The following OXR1 variants were observed in gnomAD, a reference collection of about 807,000 sequenced individuals.
The protein encoded by OXR1 is oxidation resistance 1.
Under a neutral mutation model 104.6 loss-of-function variants are expected in OXR1, and 41 were observed. The ratio of observed to expected loss-of-function variants is 0.39; its 90% confidence interval spans 0.31 to 0.51. The LOEUF (loss-of-function observed/expected upper bound fraction) is 0.51. Among genes scored for constraint, OXR1 ranks in the 20% least tolerant of loss-of-function variants. OXR1 has a pLI of 0.77. For synonymous variants in OXR1, 348 were observed against 348.4 expected (o/e 1.00, Z 0.01); for missense variants, 955 against 1,031.9 (o/e 0.93, Z 1.02).
chr8:106,422,968 C>G (rs924123250), intron 2 of OXR1, among the ~76,000 whole-genome samples: 2 of 152,088 alleles, frequency 1.3e-5, no homozygotes, highest in East Asian at 3.9e-4. Context: ...GAGAGACAAT[C>G]CCCTGGCTGG....
At chr8:106,353,338 T>G (rs1168164040) in intron 1 of OXR1, among the ~76,000 whole-genome samples, 1 of 151,454 alleles carries the variant, frequency 6.6e-6, no homozygotes, top group Non-Finnish European at 1.5e-5. Context: ...GACTCCAGCC[T>G]GGGTGACGGA....
At chr8:106,513,876 T>A (rs1465690961) in intron 2 of OXR1, among the ~76,000 whole-genome samples, 1 of 152,014 alleles carries the variant, frequency 6.6e-6, no homozygotes, top group Non-Finnish European at 1.5e-5. Context: ...GGAGAGTGAG[T>A]CTCAGAAAAG....
chr8:106,510,536 A>G (rs931366083), intron 2 of OXR1, among the ~76,000 whole-genome samples: 40 of 152,226 alleles, frequency 2.6e-4, no homozygotes, highest in African/African-American at 9.6e-4. Context: ...TTAAACTCTG[A>G]AGAGGCAGAA....
chr8:106,606,131 G>C (rs1409156786), intron 3 of OXR1, among the ~76,000 whole-genome samples: 1 of 152,044 alleles, frequency 6.6e-6, no homozygotes, highest in Non-Finnish European at 1.5e-5. Flanking sequence ...GTGTCAGTAG[G>C]TCTGTGCTCC....
intron 2 of OXR1, among the ~76,000 whole-genome samples, chr8:106,517,169 T>A (rs2130090651): frequency 6.6e-6 from 1 of 152,264 alleles, no homozygotes; most frequent in South Asian, 2.1e-4. Context: ...ATTACCAGAA[T>A]CCCATAAACC....
intron 2 of OXR1, among the ~76,000 whole-genome samples, chr8:106,492,572 T>C (rs1451188962): frequency 6.6e-6 from 1 of 152,166 alleles, no homozygotes; most frequent in African/African-American, 2.4e-5. Flanking sequence ...TGCACAATGA[T>C]GTGTGTAAAA....
intron 2 of OXR1, among the ~76,000 whole-genome samples, chr8:106,397,646 C>A (rs1817834361): frequency 6.6e-6 from 1 of 151,118 alleles, no homozygotes; most frequent in South Asian, 2.1e-4. Context: ...TTTTTTCTGC[C>A]CTTGAAAAAA....
intron 2 of OXR1, among the ~76,000 whole-genome samples, chr8:106,459,239 G>T (rs937460612): frequency 6.6e-6 from 1 of 152,054 alleles, no homozygotes; most frequent in Non-Finnish European, 1.5e-5. Context: ...AATTAATGCT[G>T]TTATTGGGGA....
intron 1 of OXR1, among the ~76,000 whole-genome samples, chr8:106,340,323 A>T (rs1292195730): frequency 1.3e-5 from 2 of 152,176 alleles, no homozygotes; most frequent in Non-Finnish European, 2.9e-5. Flanking sequence ...GTCCATTAAA[A>T]AAGCAAAGGT....
intron 1 of OXR1, among the ~76,000 whole-genome samples, chr8:106,282,347 C>T (rs1037582420): frequency 6.6e-6 from 1 of 152,128 alleles, no homozygotes; most frequent in African/African-American, 2.4e-5. Context: ...TTTTGAAAAA[C>T]CATTTATGCT....
At chr8:106,672,077 A>C (rs1827060492) in intron 3 of OXR1, among the ~76,000 whole-genome samples, 1 of 151,182 alleles carries the variant, frequency 6.6e-6, no homozygotes, top group South Asian at 2.1e-4. Flanking sequence ...GTTTAAAAAA[A>C]TGTGTAACTT....
At chr8:106,502,592 T>C (rs1811884015) in intron 2 of OXR1, among the ~76,000 whole-genome samples, 1 of 152,198 alleles carries the variant, frequency 6.6e-6, no homozygotes, top group African/African-American at 2.4e-5. Context: ...TGTCTGCTCT[T>C]TATTCTGAGA....
At chr8:106,561,612 C>T (rs111942275) in intron 3 of OXR1, among the ~76,000 whole-genome samples, 1 of 152,192 alleles carries the variant, frequency 6.6e-6, no homozygotes, top group Non-Finnish European at 1.5e-5. Flanking sequence ...CCCAGCAGAG[C>T]GATCGAGCTC....
chr8:106,349,913 TAAGTC>T (rs1815653471), intron 1 of OXR1, among the ~76,000 whole-genome samples: 1 of 152,278 alleles, frequency 6.6e-6, no homozygotes, highest in South Asian at 2.1e-4. Flanking sequence ...AATCAGTAGT[TAAGTC>T]AATACACCAG....
chr8:106,293,731 C>A (rs954999750), intron 1 of OXR1, among the ~76,000 whole-genome samples: 3 of 152,144 alleles, frequency 2.0e-5, no homozygotes, highest in Non-Finnish European at 4.4e-5. Flanking sequence ...AAGAGAGGGA[C>A]AAACTCTTTG....
intron 3 of OXR1, among the ~76,000 whole-genome samples, chr8:106,665,085 G>C (rs916521922): frequency 6.6e-6 from 1 of 152,162 alleles, no homozygotes; most frequent in African/African-American, 2.4e-5. Flanking sequence ...AAAGACAAGA[G>C]AATTATTTAC....
At chr8:106,651,911 T>G (rs1176153799) in intron 3 of OXR1, among the ~76,000 whole-genome samples, 1 of 152,182 alleles carries the variant, frequency 6.6e-6, no homozygotes, top group Non-Finnish European at 1.5e-5. Flanking sequence ...TTTCCATTTA[T>G]TTAGATTTTC....
intron 2 of OXR1, among the ~76,000 whole-genome samples, chr8:106,402,030 G>C (rs528867978): frequency 2.6e-4 from 40 of 152,278 alleles, no homozygotes; most frequent in African/African-American, 9.6e-4. Flanking sequence ...TATTGACAGG[G>C]ATGGAGAAAA....
At chr8:106,690,778 A>G (rs2131282634) in intron 6 of OXR1, among the ~76,000 whole-genome samples, 1 of 152,096 alleles carries the variant, frequency 6.6e-6, no homozygotes, top group East Asian at 1.9e-4. Context: ...GATTGAAAGA[A>G]AAATACAGCA....
Sources: gnomAD v4.1 joint callset for allele counts (sites outside exome capture counted in the v4.1 genomes callset) on GRCh38, gnomAD v4.1.1 for gene constraint, MANE v1.5 for transcripts, NCBI Gene and HGNC (gene_info 2026-07-23, HGNC 2026-07-21) for gene names.